Variants in IPPK observed in about 807,000 individuals in gnomAD.
The protein encoded by IPPK is inositol-pentakisphosphate 2-kinase.
In IPPK, 22 loss-of-function variants were observed where a neutral mutation model predicts 64.6. That is an observed-to-expected ratio of 0.34 (90% CI 0.24 to 0.49). IPPK has a LOEUF of 0.49. Among genes scored for constraint, IPPK ranks in the 20% least tolerant of loss-of-function variants. The pLI is 0.99. For missense variants in IPPK, 532 were observed against 630.7 expected (o/e 0.84, Z 1.68); for synonymous variants, 262 against 247.2 (o/e 1.06, Z -0.56).
At chr9:92,619,664 G>T in intron 11 of IPPK, 99 bp from the exon 12 acceptor site, 1 of 1,093,406 alleles carries the variant, frequency 9.1e-7, no homozygotes, top group Non-Finnish European at 1.4e-6. Flanking sequence ...ACTGCTTCCT[G>T]CCTCAGAACC....
chr9:92,659,118 G>T (rs1226813585), intron 1 of IPPK, among the ~76,000 whole-genome samples: 2 of 152,292 alleles, frequency 1.3e-5, no homozygotes, highest in Admixed American at 1.3e-4. Context: ...CTTACAGAAT[G>T]AGCCTATTTT....
chr9:92,641,915 G>A (rs1234553602), intron 7 of IPPK, among the ~76,000 whole-genome samples: 1 of 152,240 alleles, frequency 6.6e-6, no homozygotes, highest in African/African-American at 2.4e-5. Flanking sequence ...AGGGAAAGGA[G>A]ATTGGAAAGA....
At chr9:92,617,913 G>A (rs1288801869) in intron 12 of IPPK, 1 of 272,850 alleles carries the variant, frequency 3.7e-6, no homozygotes, top group Non-Finnish European at 7.2e-6. Context: ...TGCAGAGCTG[G>A]AGAAGCCTTT....
In IPPK at chr9:92,638,229, A is replaced by G. The variant is rs1851981845; in HGVS notation, c.688T>C (p.Trp230Arg). 6.2e-7 allele frequency: 1 copy of G among 1,614,112 alleles called. No individual in the cohort carries two copies. Among genetic ancestry groups the G allele is most frequent in the Non-Finnish European group, 8.5e-7 (1 of 1,180,030 alleles). Residue 230 changes from tryptophan (W) to arginine (R), a missense_variant, in exon 9 of 13, where the codon TGG becomes CGG. Trp to Arg is a moderately radical substitution (Grantham distance 101). Coordinates refer to ENST00000287996, the MANE Select transcript of IPPK (RefSeq NM_022755.6). ...CKDARSPVAD[W>R]SELAHHLKPF... ...TTCAGGTGGTGTGCAAGCTCGCTCC[A>G]GTCAGCCACGGGGCTCCGGGCATCT...
At chr9:92,618,865 C>T (rs1188779653) in intron 12 of IPPK, 1 of 344,596 alleles carries the variant, frequency 2.9e-6, no homozygotes, top group Non-Finnish European at 5.7e-6. Context: ...GTGGAACATT[C>T]CGCAAATACT....
intron 2 of IPPK, among the ~76,000 whole-genome samples, chr9:92,657,005 C>T (rs1587642839): frequency 6.6e-6 from 1 of 152,140 alleles, no homozygotes; most frequent in African/African-American, 2.4e-5. Context: ...AGACAGAAAT[C>T]ACCCCCATGT....
At chr9:92,653,211 T>G (rs752066849) in intron 3 of IPPK, among the ~76,000 whole-genome samples, 3 of 152,152 alleles carry the variant, frequency 2.0e-5, no homozygotes, top group Non-Finnish European at 4.4e-5. Context: ...AAATGAAAGG[T>G]TTTTATTTAA....
intron 5 of IPPK, 125 bp downstream of exon 5, chr9:92,649,328 A>T: frequency 1.8e-6 from 2 of 1,100,722 alleles, no homozygotes; most frequent in Non-Finnish European, 2.6e-6. Flanking sequence ...TGGAGTTTCC[A>T]GGAGCCAAGG....
chr9:92,646,407 T>C (rs1852150669), intron 6 of IPPK, among the ~76,000 whole-genome samples: 1 of 152,174 alleles, frequency 6.6e-6, no homozygotes, highest in South Asian at 2.1e-4. Context: ...AAGAGTGAAA[T>C]CATGCAAACA....
At chr9:92,620,043 C>T (rs536598760) in intron 11 of IPPK, 18 of 172,458 alleles carry the variant, frequency 1.0e-4, no homozygotes, top group Admixed American at 6.6e-4. Flanking sequence ...CCAGAGACAA[C>T]GGCAGACGGC....
chr9:92,661,590 A>C (rs1395462354), intron 1 of IPPK, among the ~76,000 whole-genome samples: 1 of 152,192 alleles, frequency 6.6e-6, no homozygotes, highest in Non-Finnish European at 1.5e-5. Context: ...ACTCACAGGA[A>C]ATCTCCTGCT....
At chr9:92,630,673 T>TAA (rs369557202) in intron 11 of IPPK, among the ~76,000 whole-genome samples, 3 of 145,816 alleles carry the variant, frequency 2.1e-5, no homozygotes, top group African/African-American at 7.5e-5. Context: ...AAATTATGAC[T>TAA]AAAAAAAAAA....
chr9:92,648,650 G>T (rs897743269), intron 5 of IPPK, among the ~76,000 whole-genome samples: 2 of 152,232 alleles, frequency 1.3e-5, no homozygotes, highest in Non-Finnish European at 2.9e-5. Flanking sequence ...CTGAGCCTCG[G>T]GCACTGGAGA....
At chr9:92,621,126 AG>A (rs1851614179) in intron 11 of IPPK, among the ~76,000 whole-genome samples, 1 of 144,428 alleles carries the variant, frequency 6.9e-6, no homozygotes, top group African/African-American at 2.6e-5. Context: ...TCAAATCATG[AG>A]GGCTCTACCC....
At chr9:92,639,158 T>C (rs1361333769) in intron 8 of IPPK, among the ~76,000 whole-genome samples, 1 of 152,088 alleles carries the variant, frequency 6.6e-6, no homozygotes, top group East Asian at 1.9e-4. Context: ...AAGCAATCCT[T>C]CCACCTCAGG....
At chr9:92,669,182 CG>C (rs1852670827) in intron 1 of IPPK, among the ~76,000 whole-genome samples, 2 of 152,124 alleles carry the variant, frequency 1.3e-5, no homozygotes, top group African/African-American at 4.8e-5. Context: ...CCCCCTCCCC[CG>C]TTCCAGCCGG....
In IPPK at chr9:92,638,317, CACCA is replaced by C. The variant is rs773527259; in HGVS notation, c.637-41_637-38del. ...GAAAAGAAAGAGGGAAACGTCAAAC[CACCA>C]AGCTTGTAGGAAAAGAACTCAGTCC... On this transcript the variant is annotated intron_variant, in intron 8 of 12. Coordinates refer to ENST00000287996, the MANE Select transcript of IPPK (RefSeq NM_022755.6). The C allele has an allele frequency of 8.2e-6, 13 of 1,591,514 alleles. No individual in the cohort carries two copies. In the South Asian group the frequency reaches 1.4e-4, roughly 17 times the overall value.
At chr9:92,668,038 G>A (rs941985271) in intron 1 of IPPK, among the ~76,000 whole-genome samples, 1 of 152,218 alleles carries the variant, frequency 6.6e-6, no homozygotes, top group Non-Finnish European at 1.5e-5. Flanking sequence ...GGGAGGCTGA[G>A]GTGGGTGTCA....
At chr9:92,618,398 A>C in intron 12 of IPPK, 1 of 456,570 alleles carries the variant, frequency 2.2e-6, no homozygotes, top group South Asian at 1.5e-5. Context: ...GACATCACTG[A>C]CCAGGCACTA....
Sources: allele counts gnomAD v4.1 joint callset (sites outside exome capture counted in the v4.1 genomes callset), GRCh38; gene constraint gnomAD v4.1.1; transcripts MANE v1.5; gene names NCBI Gene and HGNC (gene_info 2026-07-23, HGNC 2026-07-21).